CERS6: variants seen among roughly 807,000 people sequenced by gnomAD.
The protein encoded by CERS6 is LAG1 homolog, ceramide synthase 6.
Under a neutral mutation model 56.8 loss-of-function variants are expected in CERS6, and 26 were observed. The ratio of observed to expected loss-of-function variants is 0.46; its 90% CI spans 0.34 to 0.63. The LOEUF (loss-of-function observed/expected upper bound fraction) is 0.63. Among genes scored for constraint, CERS6 ranks in the 30% least tolerant of loss-of-function variants. The probability of loss-of-function intolerance (pLI) is 0.01; values close to 1 mark genes in which losing one functional copy is unlikely to be tolerated. For synonymous variants in CERS6, 164 were observed against 173.3 expected, an observed-to-expected ratio of 0.95 and a Z score of 0.42; for missense variants, 415 against 467.5, an observed-to-expected ratio of 0.89 and a Z score of 1.04.
At chr2:168,463,296 A>C (rs1196383923) in intron 1 of CERS6, among the ~76,000 whole-genome samples, 1 of 152,242 alleles carries the variant, frequency 6.6e-6, no homozygotes, top group Non-Finnish European at 1.5e-5. Flanking sequence ...CCATTTAATG[A>C]TATAATCTGA....
At chr2:168,593,339 G>C (rs1440202223) in intron 3 of CERS6, among the ~76,000 whole-genome samples, 1 of 152,182 alleles carries the variant, frequency 6.6e-6, no homozygotes, top group Non-Finnish European at 1.5e-5. Context: ...TTTGACCACA[G>C]CTTTTTTGTC....
chr2:168,519,604 T>TG (rs1195407804), intron 1 of CERS6, among the ~76,000 whole-genome samples: 1 of 152,208 alleles, frequency 6.6e-6, no homozygotes, highest in Non-Finnish European at 1.5e-5. Context: ...AGCTCTCACT[T>TG]GCAGTATTTG....
intron 1 of CERS6, among the ~76,000 whole-genome samples, chr2:168,473,040 T>C (rs1694006174): frequency 6.6e-6 from 1 of 152,212 alleles, no homozygotes; most frequent in Non-Finnish European, 1.5e-5. Flanking sequence ...TCTCAATTTT[T>C]CTTATTTAAG....
At chr2:168,604,281 A>G (rs997809830) in intron 3 of CERS6, among the ~76,000 whole-genome samples, 1 of 152,188 alleles carries the variant, frequency 6.6e-6, no homozygotes, top group Non-Finnish European at 1.5e-5. Flanking sequence ...CAAAAACACA[A>G]CTTTTGCAAG....
At chr2:168,721,326 T>TA (rs1687360362) in intron 8 of CERS6, among the ~76,000 whole-genome samples, 1 of 152,166 alleles carries the variant, frequency 6.6e-6, no homozygotes, top group African/African-American at 2.4e-5. Flanking sequence ...ATTGTATGGA[T>TA]ATACCACATT....
chr2:168,727,506 G>A (rs1309048996), intron 8 of CERS6, among the ~76,000 whole-genome samples: 2 of 148,606 alleles, frequency 1.3e-5, no homozygotes, highest in African/African-American at 2.5e-5. Context: ...CCGAGATCGC[G>A]CCACTGCACT....
chr2:168,521,809 G>T (rs1051582491), intron 1 of CERS6, among the ~76,000 whole-genome samples: 1 of 152,238 alleles, frequency 6.6e-6, no homozygotes, highest in African/African-American at 2.4e-5. Context: ...ACAGTGGAAA[G>T]ATCTAAATTA....
chr2:168,721,810 G>A (rs1192249525), intron 8 of CERS6, among the ~76,000 whole-genome samples: 2 of 151,762 alleles, frequency 1.3e-5, no homozygotes, highest in East Asian at 1.9e-4. Flanking sequence ...TGTAGAGACG[G>A]GGTCTCACTG....
chr2:168,720,546 C>T (rs564197142), intron 8 of CERS6, among the ~76,000 whole-genome samples: 3 of 152,222 alleles, frequency 2.0e-5, no homozygotes, highest in East Asian at 3.9e-4. Context: ...TTAGCTGGGA[C>T]GTTTGGACCA....
intron 8 of CERS6, among the ~76,000 whole-genome samples, chr2:168,765,124 C>T (rs1418192582): frequency 2.0e-5 from 3 of 152,182 alleles, no homozygotes; most frequent in Non-Finnish European, 4.4e-5. Context: ...TATGAATCTA[C>T]TTTTATGCGG....
Position 168,768,028 on chromosome 2 carries a change from A to T in CERS6, c.1003-1482A>T, listed in dbSNP as rs563114968. On this transcript the variant is annotated intron_variant, in intron 9 of 9. Coordinates refer to ENST00000305747, the MANE Select transcript of CERS6 (RefSeq NM_203463.3). ...TTAGACTTACAGAATAGGAGGTTCA[A>T]ACTATTTTTATCTTAAAAGCAGTAT... is the stretch of plus-strand genomic sequence containing the variant. Among the ~76,000 whole-genome samples, 11 of 152,336 alleles carry T rather than the reference A, an allele frequency of 7.2e-5. No homozygotes were observed. In the East Asian group the frequency reaches 2.1e-3, roughly 29 times the overall value.
At chr2:168,646,961 A>G (rs1685219695) in intron 4 of CERS6, among the ~76,000 whole-genome samples, 1 of 152,188 alleles carries the variant, frequency 6.6e-6, no homozygotes, top group African/African-American at 2.4e-5. Context: ...AGATCAGGTT[A>G]ACGTGATATC....
intron 8 of CERS6, among the ~76,000 whole-genome samples, chr2:168,731,192 A>G (rs1475358306): frequency 6.6e-6 from 1 of 152,186 alleles, no homozygotes; most frequent in Non-Finnish European, 1.5e-5. Flanking sequence ...AAATAGGGAA[A>G]TATTTGGGAT....
intron 4 of CERS6, among the ~76,000 whole-genome samples, chr2:168,662,657 G>A (rs749580144): frequency 1.3e-5 from 2 of 152,108 alleles, no homozygotes; most frequent in Non-Finnish European, 2.9e-5. Flanking sequence ...GCTTGAACCC[G>A]GGAGGCGGAG....
rs192156857 is a variant in CERS6, at chr2:168,724,474, G to A, written c.845+6496G>A. ...TCTCTTATCTGGCCCCACCCACATC[G>A]TGCTGATTGGTAGAGCCGAGTGGTC... On this transcript the variant is annotated intron_variant, in intron 8 of 9. Transcript: ENST00000305747. Among the ~76,000 whole-genome samples the A allele has an allele frequency of 6.6e-5, 10 of 152,178 alleles. 1 individual carries two copies. In the Middle Eastern group the frequency reaches 0.01, roughly 155 times the overall value.
intron 4 of CERS6, among the ~76,000 whole-genome samples, chr2:168,675,709 A>T (rs1438208232): frequency 6.6e-6 from 1 of 151,430 alleles, no homozygotes; most frequent in Admixed American, 6.6e-5. Flanking sequence ...TTTTTATGAG[A>T]TGGAGTCTTG....
chr2:168,667,636 C>T (rs1304113903), intron 4 of CERS6, among the ~76,000 whole-genome samples: 1 of 151,966 alleles, frequency 6.6e-6, no homozygotes, highest in African/African-American at 2.4e-5. Context: ...CATTATTCAC[C>T]CAGCCCTGAC....
intron 8 of CERS6, among the ~76,000 whole-genome samples, chr2:168,751,726 C>T (rs144326467): frequency 7.2e-4 from 109 of 152,200 alleles, no homozygotes; most frequent in African/African-American, 2.4e-3. Flanking sequence ...CCAAATTTTC[C>T]AGGATTTCCT....
intron 6 of CERS6, among the ~76,000 whole-genome samples, chr2:168,696,592 G>A (rs773825298): frequency 1.3e-5 from 2 of 152,144 alleles, no homozygotes; most frequent in Non-Finnish European, 2.9e-5. Flanking sequence ...ATTTCTCACG[G>A]TTCTAGAAGG....
Sources: gnomAD v4.1 joint callset for allele counts (sites outside exome capture counted in the v4.1 genomes callset) on GRCh38, gnomAD v4.1.1 for gene constraint, MANE v1.5 for transcripts, NCBI Gene and HGNC (gene_info 2026-07-23, HGNC 2026-07-21) for gene names.